ZPBP: variants seen among roughly 807,000 people sequenced by gnomAD.
ZPBP encodes the protein zona pellucida binding protein.
ZPBP carries 26 observed loss-of-function variants against 44.8 expected under a neutral mutation model. The observed-to-expected ratio is 0.58, with a 90% CI of 0.43 to 0.81. ZPBP has a LOEUF of 0.81. ZPBP is among the 30% of genes least tolerant of loss of function. ZPBP has a pLI of 0.00. For synonymous variants in ZPBP, 174 were observed against 153.2 expected, an observed-to-expected ratio of 1.14 and a Z score of -1.00; for missense variants, 409 against 434.0, an observed-to-expected ratio of 0.94 and a Z score of 0.51.
chr7:49,943,502 T>C (rs1412923536), intron 7 of ZPBP: 3 of 431,782 alleles, frequency 6.9e-6, no homozygotes, highest in Non-Finnish European at 1.4e-5. Context: ...CCAACACTCA[T>C]CTGTTTCTTG....
intron 1 of ZPBP, chr7:49,917,977 A>G (rs1045276551): frequency 1.5e-4 from 23 of 152,182 alleles, no homozygotes. Flanking sequence ...GAAAAAAGTG[A>G]AAAGTATCCA....
intron 1 of ZPBP, chr7:49,917,252 T>C (rs1793772728): frequency 6.6e-6 from 1 of 152,188 alleles, no homozygotes; most frequent in Non-Finnish European, 1.5e-5. Context: ...TTTACTGTAG[T>C]GTCAAATTTC....
intron 1 of ZPBP, among the ~76,000 whole-genome samples, chr7:49,908,904 AT>A (rs1793248528): frequency 6.6e-6 from 1 of 152,244 alleles, no homozygotes; most frequent in South Asian, 2.1e-4. Context: ...AAGATTTTAT[AT>A]TCTACAGTAA....
At chr7:49,997,965 T>C (rs1322466427) in intron 6 of ZPBP, among the ~76,000 whole-genome samples, 1 of 152,182 alleles carries the variant, frequency 6.6e-6, no homozygotes, top group Non-Finnish European at 1.5e-5. Flanking sequence ...CCATCCAGGC[T>C]GGAGTACAGT....
At chr7:49,975,311 T>C (rs1171424755) in intron 7 of ZPBP, among the ~76,000 whole-genome samples, 1 of 152,154 alleles carries the variant, frequency 6.6e-6, no homozygotes, top group East Asian at 1.9e-4. Flanking sequence ...GCCTCCTCTT[T>C]TGGTGCCCAG....
intron 1 of ZPBP, chr7:49,918,319 C>A (rs192421196): frequency 6.6e-6 from 1 of 152,158 alleles, no homozygotes; most frequent in African/African-American, 2.4e-5. Flanking sequence ...GTGTTTAGGT[C>A]AGGGACCTCT....
At chr7:49,969,667 A>G (rs896365418) in intron 7 of ZPBP, among the ~76,000 whole-genome samples, 1 of 152,018 alleles carries the variant, frequency 6.6e-6, no homozygotes, top group Admixed American at 6.6e-5. Context: ...AATCTCTCAT[A>G]AACACAGAAA....
At chr7:50,055,140 C>G (rs945243948) in intron 4 of ZPBP, among the ~76,000 whole-genome samples, 2 of 152,090 alleles carry the variant, frequency 1.3e-5, no homozygotes, top group Non-Finnish European at 2.9e-5. Flanking sequence ...TTACAAAATA[C>G]AGCAATGTTA....
At chr7:49,923,170 C>T (rs77882705) in intron 1 of ZPBP, among the ~76,000 whole-genome samples, 6 of 152,006 alleles carry the variant, frequency 3.9e-5, no homozygotes, top group East Asian at 3.9e-4. Context: ...TAGGATGGAA[C>T]AGAAAAACAA....
At chr7:49,901,197 A>G (rs888449078) in exon 2 of ZPBP, 1 of 151,972 alleles carries the variant, frequency 6.6e-6, no homozygotes, top group African/African-American at 2.4e-5. Context: ...TTTCAACATC[A>G]TAGTGGAAGT....
intron 4 of ZPBP, among the ~76,000 whole-genome samples, chr7:50,052,572 T>C (rs142861335): frequency 1.5e-3 from 229 of 152,236 alleles, no homozygotes; most frequent in African/African-American, 5.0e-3. Flanking sequence ...TATTCAACTA[T>C]CATATGATCA....
intron 7 of ZPBP, among the ~76,000 whole-genome samples, chr7:49,938,928 AT>A (rs1369639647): frequency 6.6e-6 from 1 of 152,260 alleles, no homozygotes; most frequent in Non-Finnish European, 1.5e-5. Flanking sequence ...ATATTTTACC[AT>A]TTTTTAGAGG....
At chr7:49,997,603 T>C (rs1181892092) in intron 6 of ZPBP, among the ~76,000 whole-genome samples, 1 of 152,206 alleles carries the variant, frequency 6.6e-6, no homozygotes, top group Non-Finnish European at 1.5e-5. Context: ...ATCAGCATTT[T>C]CTTGCATGGC....
At chr7:49,859,779 TGCGC>T (rs1351738285) in intron 2 of ZPBP, among the ~76,000 whole-genome samples, 5 of 120,538 alleles carry the variant, frequency 4.1e-5, no homozygotes, top group Non-Finnish European at 8.6e-5. Flanking sequence ...TGTCTTACAG[TGCGC>T]GTGCGTGCAC....
chr7:50,028,713 G>C (rs1584075996), intron 5 of ZPBP, among the ~76,000 whole-genome samples: 1 of 149,238 alleles, frequency 6.7e-6, no homozygotes, highest in Admixed American at 6.7e-5. Flanking sequence ...AATGTATAAA[G>C]GGAATTAAGA....
intron 6 of ZPBP, among the ~76,000 whole-genome samples, chr7:50,016,712 T>C (rs1390401590): frequency 6.6e-6 from 1 of 152,104 alleles, no homozygotes; most frequent in Non-Finnish European, 1.5e-5. Flanking sequence ...TTATCCTAGC[T>C]CAGGGTCTGT....
At chr7:49,942,376 C>T in intron 7 of ZPBP, 1 of 178,210 alleles carries the variant, frequency 5.6e-6, no homozygotes, top group Non-Finnish European at 1.2e-5. Context: ...TGGATTGTTG[C>T]TGCTGTACTG....
intron 7 of ZPBP, among the ~76,000 whole-genome samples, chr7:49,979,504 T>G (rs915340807): frequency 7.2e-5 from 11 of 151,890 alleles, no homozygotes; most frequent in African/African-American, 9.7e-5. Context: ...ACATAATAAG[T>G]TGAGTGTAAT....
intron 6 of ZPBP, among the ~76,000 whole-genome samples, chr7:50,012,428 C>T (rs915007145): frequency 6.6e-6 from 1 of 151,830 alleles, no homozygotes; most frequent in African/African-American, 2.4e-5. Flanking sequence ...GAAACAGTTA[C>T]AAGTCATTTT....
Sources: allele counts gnomAD v4.1 joint callset (sites outside exome capture counted in the v4.1 genomes callset), GRCh38; gene constraint gnomAD v4.1.1; transcripts MANE v1.5; gene names NCBI Gene and HGNC (gene_info 2026-07-23, HGNC 2026-07-21).